The following WDR90 variants were observed in gnomAD, a reference collection of about 807,000 sequenced individuals.
WDR90 encodes WD repeat domain 90.
A neutral mutation model predicts 195.2 loss-of-function variants in WDR90; 238 were observed. That is an observed-to-expected ratio of 1.22 (90% CI 1.10 to 1.36). The LOEUF (loss-of-function observed/expected upper bound fraction) is 1.36. Ranked by LOEUF, WDR90 falls within the 40% of genes most tolerant of loss-of-function variation. WDR90 has a pLI of 0.00. For missense variants in WDR90, 2,734 were observed against 2,439.5 expected, an observed-to-expected ratio of 1.12 and a Z score of -2.54; for synonymous variants, 1,265 against 1,052.4, an observed-to-expected ratio of 1.20 and a Z score of -3.91.
intron 17 of WDR90, 129 bp downstream of exon 17, chr16:656,018 C>A: frequency 3.5e-6 from 4 of 1,142,566 alleles, no homozygotes; most frequent in Middle Eastern, 2.5e-4. Flanking sequence ...GCCACGGGGC[C>A]AAGTGGCATA....
intron 16 of WDR90, 33 bp downstream of exon 16, chr16:655,736 C>T (rs1288124646): frequency 4.4e-6 from 7 of 1,582,464 alleles, no homozygotes; most frequent in East Asian, 2.3e-5. Flanking sequence ...GCCAGGGTGG[C>T]AGGGACACCG....
At position 652,026 on chromosome 16, in the gene WDR90, C is replaced by A; in HGVS notation, c.1040C>A (p.Thr347Asn). 6.3e-7 allele frequency: 1 copy of A among 1,595,378 alleles called. No individual in the cohort carries two copies. The highest frequency in any genetic ancestry group is 1.3e-5 in the African/African-American group (1 of 74,784). Residue 347 changes from threonine (T) to asparagine (N), a missense_variant, in exon 9 of 41, where the codon ACC (threonine) becomes AAC (asparagine). By Grantham distance (65) the Thr-to-Asn change is moderately conservative (BLOSUM62 0). Coordinates refer to ENST00000293879, the MANE Select transcript of WDR90 (RefSeq NM_145294.5). ...TCGGCTGAGGTGCCCGTGGCCCGCA[C>A]CGGCTCCTGCGAAGTGAGTGCCCAT... ...HESAEVPVARTGSCEGFLPDP... is the reference protein window; with the variant it reads ...HESAEVPVARNGSCEGFLPDP...
At position 667,489 on chromosome 16, in the gene WDR90, A is replaced by T; in HGVS notation, c.5147A>T (p.His1716Leu). The part of the protein sequence containing the change: ...AMGTAQDFAG[H>L]DNAVHLCRFT... Reference sequence around the variant, plus strand: ...GGGACTGCCCAAGACTTTGCCGGCCACGACAACGCAGTGCACCTGTGCAGG... The same window carrying T: ...GGGACTGCCCAAGACTTTGCCGGCCTCGACAACGCAGTGCACCTGTGCAGG... Residue 1716 changes from histidine to leucine, a missense_variant, in exon 41 of 41, where the codon CAC (histidine) becomes CTC (leucine). Physicochemically the swap from His to Leu is moderately conservative, Grantham distance 99 (BLOSUM62 -3). Coordinates refer to ENST00000293879, the MANE Select transcript of WDR90 (RefSeq NM_145294.5). 6.2e-7 allele frequency: 1 copy of T among 1,610,808 alleles called. No homozygotes were observed. The highest frequency in any genetic ancestry group is 8.5e-7 in the Non-Finnish European group (1 of 1,178,426).
Position 651,519 on chromosome 16 carries a change from C to T in WDR90, c.737-125C>T, listed in dbSNP as rs2037646368. The T allele has an allele frequency of 4.7e-6, 5 of 1,072,262 alleles. No homozygotes were observed. The Admixed American group carries it at 6.6e-5, about 14-fold the overall frequency. 66.4% of individuals were successfully genotyped at this position (1,072,262 alleles called of 1,614,324 possible). A position where few individuals can be genotyped will look rare whatever the true frequency, so the allele number is the denominator to read the frequency against. The stretch of plus-strand genomic sequence containing the variant: ...AGGGCCTAGGGTGGAAGTGGGGATA[C>T]TGGCTGTGGGTCCTGCAGAGCCGGT... On this transcript the variant is annotated intron_variant, in intron 7 of 40. Coordinates refer to ENST00000293879, the MANE Select transcript of WDR90 (RefSeq NM_145294.5).
At position 656,795 on chromosome 16, in the gene WDR90, A is replaced by G. The variant is rs1003204223; in HGVS notation, c.2266A>G (p.Thr756Ala). The change falls in exon 19 of 41, where the codon ACC (threonine) becomes GCC (alanine). Residue 756 changes from threonine to alanine, a missense_variant. Coordinates refer to ENST00000293879, the MANE Select transcript of WDR90 (RefSeq NM_145294.5). ...TGTCACCTTCCACCCCACAAGGCCAACCTTTTTCTGTGGCTTTAGCAGTGG... is the reference window on the plus strand; with the variant it reads ...TGTCACCTTCCACCCCACAAGGCCAGCCTTTTTCTGTGGCTTTAGCAGTGG... ...CAVTFHPTRP[T>A]FFCGFSSGAV... 1.2e-6 allele frequency: 2 copies of G among 1,613,138 alleles called. No individual in the cohort carries two copies. The highest frequency in any genetic ancestry group is 1.7e-6 in the Non-Finnish European group (2 of 1,179,952).
At position 655,109 on chromosome 16, in the gene WDR90, C is replaced by T. The variant is rs376072128; in HGVS notation, c.1518C>T (p.Asp506=). 37 of 1,612,712 alleles carry T rather than the reference C, an allele frequency of 2.3e-5. No homozygotes were observed. The East Asian group carries it at 2.9e-4, about 13-fold the overall frequency. ...TGGCAAAGGCGCACACTGACTTTGA[C>T]GTCCAGGCCTTCCGGGTCACCTTTT... The part of the protein sequence containing the change: ...VVLAKAHTDF[D]VQAFRVTFFD... The change falls in exon 14 of 41, where the codon GAC becomes GAT. Residue 506 remains aspartate (D), a synonymous_variant. Transcript: ENST00000293879.
chr16:662,602 C>G, intron 33 of WDR90, 77 bp from the exon 34 acceptor site: 2 of 1,503,740 alleles, frequency 1.3e-6, no homozygotes, highest in African/African-American at 1.4e-5. Flanking sequence ...GGCCCTGCCT[C>G]GGCTGGGGAC....
At position 653,616 on chromosome 16, in the gene WDR90, C is replaced by G. The variant is rs755409506; in HGVS notation, c.1325C>G (p.Thr442Ser). The change falls in exon 12 of 41, where the codon ACC becomes AGC. Residue 442 changes from threonine to serine, a missense_variant. Thr to Ser is a moderately conservative substitution (Grantham distance 58). Transcript: ENST00000293879. ...GTGATGCGGCTCTGGGACTTCCAGA[C>G]CGGGCGGTGCTTGTGCCTGTTCCGG... ...PSVMRLWDFQ[T>S]GRCLCLFRSP... 5 of 1,613,526 alleles carry G rather than the reference C, an allele frequency of 3.1e-6. No homozygotes were observed. In the South Asian group the frequency reaches 4.4e-5, roughly 14 times the overall value.
Position 661,838 on chromosome 16 carries a change from C to A in WDR90, c.3864+51C>A, listed in dbSNP as rs74002807. On this transcript the variant is annotated intron_variant, in intron 31 of 40. Coordinates refer to ENST00000293879, the MANE Select transcript of WDR90 (RefSeq NM_145294.5). ...CAGGGGTTGTTTTGTGGGGTGGAAT[C>A]TGCCTGGGCCCCGGGACACTGCTGA... The A allele has an allele frequency of 4.8e-3, 7,609 of 1,588,392 alleles. 318 individuals carry two copies. The African/African-American group carries it at 0.089, about 19-fold the overall frequency.
chr16:664,862 G>A (rs1359500058), intron 34 of WDR90: 2 of 152,144 alleles, frequency 1.3e-5, no homozygotes, highest in Non-Finnish European at 2.9e-5. Context: ...TGTATTTTTA[G>A]TAGAGTCGGG....
At chr16:663,148 T>C (rs955574377) in intron 34 of WDR90, 6 of 481,908 alleles carry the variant, frequency 1.2e-5, no homozygotes, top group Non-Finnish European at 2.0e-5. Flanking sequence ...GTCAAAGAAA[T>C]CACATCAGTC....
At position 655,822 on chromosome 16, in the gene WDR90, T is replaced by C. The variant is rs2037739592; in HGVS notation, c.1899T>C (p.Ala633=). Residue 633 remains alanine (A), a synonymous_variant, in exon 17 of 41, where the codon GCT becomes GCC. Transcript: ENST00000293879. ...SSLSVSPAMC[A]VGSEDGFLRL... ...TCAGCGTCTCCCCGGCCATGTGTGC[T>C]GTGGGCTCTGAGGACGGCTTCTTGC... is the stretch of plus-strand genomic sequence containing the variant. The C allele has an allele frequency of 6.3e-7, 1 of 1,596,560 alleles. No homozygotes were observed. Among genetic ancestry groups the C allele is most frequent in the Non-Finnish European group, 8.5e-7 (1 of 1,173,354 alleles).
At chr16:652,913 T>C (rs535358050) in intron 10 of WDR90, among the ~76,000 whole-genome samples, 2 of 152,312 alleles carry the variant, frequency 1.3e-5, no homozygotes, top group East Asian at 3.9e-4. Context: ...GACGTGGGCC[T>C]TCTAGGAGAG....
rs2037767377 is a variant in WDR90 at position 656,873 on chromosome 16, T to C, written c.2342+2T>C. On this transcript the variant is annotated splice_donor_variant, in intron 19 of 40. Coordinates refer to ENST00000293879, the MANE Select transcript of WDR90 (RefSeq NM_145294.5). LOFTEE classifies it high-confidence loss of function. Reference sequence around the variant, plus strand: ...CGCTGAGGTCCTGGTGGAACACACGTAAGTGCCCAGCTGGCCACCAGCCCC... The same window carrying C: ...CGCTGAGGTCCTGGTGGAACACACGCAAGTGCCCAGCTGGCCACCAGCCCC... 1 of 1,611,746 alleles carries C rather than the reference T, an allele frequency of 6.2e-7. No homozygotes were observed. Among genetic ancestry groups the C allele is most frequent in the African/African-American group, 1.3e-5 (1 of 74,858 alleles).
rs748918750 is a variant in WDR90 at position 653,397 on chromosome 16, C to T, written c.1179C>T (p.Val393=). 14 of 1,608,666 alleles carry T rather than the reference C, an allele frequency of 8.7e-6. No individual in the cohort carries two copies. Among genetic ancestry groups the T allele is most frequent in the Non-Finnish European group, 6.8e-6 (8 of 1,178,296 alleles). The part of the protein sequence containing the change: ...AVVYPCHAVI[V]VLLVDTGEQR... ...TGTACCCCTGCCATGCGGTCATCGT[C>T]GTCCTGCTCGTGGACACGGGGGAGC... is the stretch of plus-strand genomic sequence containing the variant. The change falls in exon 11 of 41, where the codon GTC becomes GTT. Residue 393 remains valine (V), a synonymous_variant. Transcript: ENST00000293879.
rs775051321 is a variant in WDR90, at chr16:651,597, C to T, written c.737-47C>T. On this transcript the variant is annotated intron_variant, in intron 7 of 40. Coordinates refer to ENST00000293879, the MANE Select transcript of WDR90 (RefSeq NM_145294.5). ...CCCAGGCGTCACCCTCACCAGGCAT[C>T]TGCACAGCTGGCCCCTGGGTCACTG... 3.8e-6 allele frequency: 6 copies of T among 1,586,422 alleles called. No homozygotes were observed. In the East Asian group the frequency reaches 1.1e-4, roughly 30 times the overall value.
rs1567224072 is a variant in WDR90 at position 666,098 on chromosome 16, T to C, written c.4583T>C (p.Leu1528Pro). The C allele has an allele frequency of 6.2e-7, 1 of 1,610,534 alleles. No individual in the cohort carries two copies. The highest frequency in any genetic ancestry group is 8.5e-7 in the Non-Finnish European group (1 of 1,179,384). Residue 1528 changes from leucine (L) to proline (P), a missense_variant, in exon 36 of 41, where the codon CTG becomes CCG. Physicochemically the swap from Leu to Pro is moderately conservative, Grantham distance 98 (BLOSUM62 -3). Transcript: ENST00000293879. ...ELKMHPHPVA[L>P]TTVAFSTDGQ... ...AAGATGCACCCCCACCCGGTGGCGCTGACCACTGTTGCCTTCTCCACCGAT... is the reference window on the plus strand; with the variant it reads ...AAGATGCACCCCCACCCGGTGGCGCCGACCACTGTTGCCTTCTCCACCGAT...
At chr16:650,214 G>A in intron 3 of WDR90, 40 bp from the exon 4 acceptor site, 1 of 1,610,902 alleles carries the variant, frequency 6.2e-7, no homozygotes, top group African/African-American at 1.3e-5. Context: ...CGGCACCCCT[G>A]CGGCCCCTGT....
chr16:652,980 G>A (rs1207085440), intron 10 of WDR90, among the ~76,000 whole-genome samples: 2 of 152,238 alleles, frequency 1.3e-5, no homozygotes, highest in African/African-American at 4.8e-5. Flanking sequence ...TTGGGCCCTT[G>A]TCAGGCCCTG....
Sources: gnomAD v4.1 joint callset for allele counts (sites outside exome capture counted in the v4.1 genomes callset) on GRCh38, gnomAD v4.1.1 for gene constraint, MANE v1.5 for transcripts, NCBI Gene and HGNC (gene_info 2026-07-23, HGNC 2026-07-21) for gene names.